CACNA1I: variants seen among roughly 807,000 people sequenced by gnomAD.
The protein encoded by CACNA1I is calcium voltage-gated channel subunit alpha1 I.
Under a neutral mutation model 201.6 loss-of-function variants are expected in CACNA1I, and 74 were observed. The ratio of observed to expected loss-of-function variants is 0.37; its 90% CI spans 0.30 to 0.45. CACNA1I has a LOEUF of 0.45. Among genes scored for constraint, CACNA1I ranks in the 20% least tolerant of loss-of-function variants. The pLI, the probability that CACNA1I is intolerant of heterozygous loss-of-function variation, is 1.00. For synonymous variants in CACNA1I, 1,431 were observed against 1,345.2 expected, an observed-to-expected ratio of 1.06 and a Z score of -1.40; for missense variants, 2,346 against 3,138.1, an observed-to-expected ratio of 0.75 and a Z score of 6.03.
intron 17 of CACNA1I, 96 bp from the exon 18 acceptor site, chr22:39,662,680 T>A (rs1251890460): frequency 2.2e-6 from 2 of 893,416 alleles, no homozygotes; most frequent in Non-Finnish European, 3.5e-6. Flanking sequence ...AGTTCGGAGG[T>A]GACCCTGCGA....
chr22:39,656,989 G>A (rs538028130), intron 10 of CACNA1I, among the ~76,000 whole-genome samples: 3 of 152,286 alleles, frequency 2.0e-5, no homozygotes, highest in African/African-American at 4.8e-5. Context: ...GCTGGGCCTC[G>A]TAGGAGCCTT....
chr22:39,678,512 C>T (rs1935585046), intron 31 of CACNA1I, among the ~76,000 whole-genome samples: 1 of 152,202 alleles, frequency 6.6e-6, no homozygotes, highest in Non-Finnish European at 1.5e-5. Flanking sequence ...CAGGGAGGGG[C>T]TCCCAGAGGA....
At position 39,686,027 on chromosome 22, in the gene CACNA1I, C is replaced by G; in HGVS notation, c.6294C>G (p.Thr2098=). 8.1e-7 allele frequency: 1 copy of G among 1,239,352 alleles called. No individual in the cohort carries two copies. Among genetic ancestry groups the G allele is most frequent in the Non-Finnish European group, 1.0e-6 (1 of 995,652 alleles). The allele number at this position is 1,239,352 out of a possible 1,614,324, so 76.8% of individuals were successfully genotyped here. The part of the protein sequence containing the change: ...SSGGSTSPGC[T]HHDSMDPSDE... Reference sequence around the variant, plus strand: ...GGGGCTCCACCAGCCCGGGCTGCACCCACCACGACTCCATGGACCCCTCGG... The same window carrying G: ...GGGGCTCCACCAGCCCGGGCTGCACGCACCACGACTCCATGGACCCCTCGG... The change falls in exon 37 of 37, where the codon ACC becomes ACG. Residue 2098 remains threonine (T), a synonymous_variant. Transcript: ENST00000402142.
intron 29 of CACNA1I, among the ~76,000 whole-genome samples, chr22:39,675,995 G>A (rs549934307): frequency 2.0e-5 from 3 of 152,330 alleles, no homozygotes; most frequent in Admixed American, 6.5e-5. Context: ...AGACAAGGAA[G>A]GCTGCAGCCG....
At chr22:39,663,883 A>G (rs989467205) in intron 19 of CACNA1I, 42 bp downstream of exon 19, 1 of 1,610,866 alleles carries the variant, frequency 6.2e-7, no homozygotes, top group African/African-American at 1.3e-5. Context: ...CGCCAGGCCA[A>G]GGGACAGCTC....
Position 39,570,798 on chromosome 22 carries a change from G to A in CACNA1I, c.46G>A (p.Ala16Thr), listed in dbSNP as rs758158318. The A allele has an allele frequency of 4.3e-6, 7 of 1,613,054 alleles. No homozygotes were observed. The highest frequency in any genetic ancestry group is 5.9e-6 in the Non-Finnish European group (7 of 1,179,722). ...SPPSSSAAAP[A>T]AEPGVTTEQP... ...GCCCTCCTCATCTGCAGCAGCCCCA[G>A]CCGCTGAGCCAGGAGTCACCACGGA... The change falls in exon 1 of 37, where the codon GCC becomes ACC. Residue 16 changes from alanine to threonine, a missense_variant. By Grantham distance (58) the Ala-to-Thr change is moderately conservative. Coordinates refer to ENST00000402142, the MANE Select transcript of CACNA1I (RefSeq NM_021096.4).
rs140225757 is a variant in CACNA1I, at chr22:39,575,449, C to T, written c.236+4461C>T. 5.6e-3 allele frequency among the ~76,000 whole-genome samples: 856 copies of T among 152,262 alleles called. 5 individuals carry two copies. Among genetic ancestry groups the T allele is most frequent in the Non-Finnish European group, 6.7e-3 (456 of 68,028 alleles). ...ATCACTCTGATTACCTGTGCCTGAA[C>T]CCTGAACAGGGCCCTCACGTACTGC... is the stretch of plus-strand genomic sequence containing the variant. On this transcript the variant is annotated intron_variant, in intron 1 of 36. Transcript: ENST00000402142.
Position 39,598,181 on chromosome 22 carries a change from C to T in CACNA1I, c.267C>T (p.Ile89=). Reference sequence around the variant, plus strand: ...TTGAATGTGTCAGCATGCTGGTGATCCTGCTGAACTGCGTGACACTTGGCA... The same window carrying T: ...TTGAATGTGTCAGCATGCTGGTGATTCTGCTGAACTGCGTGACACTTGGCA... ...PWFECVSMLV[I]LLNCVTLGMY... Residue 89 remains isoleucine (I), a synonymous_variant, in exon 2 of 37, where the codon ATC becomes ATT. Transcript: ENST00000402142. The T allele has an allele frequency of 6.2e-7, 1 of 1,606,564 alleles. No homozygotes were observed. Among genetic ancestry groups the T allele is most frequent in the Non-Finnish European group, 8.5e-7 (1 of 1,176,634 alleles).
intron 20 of CACNA1I, 22 bp downstream of exon 20, chr22:39,664,181 G>A (rs1286678043): frequency 1.6e-5 from 25 of 1,604,536 alleles, no homozygotes; most frequent in South Asian, 2.2e-5. Context: ...TTTCACCCGG[G>A]ACCCCTGCTA....
chr22:39,619,956 C>T (rs1569065318), intron 4 of CACNA1I, among the ~76,000 whole-genome samples: 1 of 150,788 alleles, frequency 6.6e-6, no homozygotes, highest in Non-Finnish European at 1.5e-5. Flanking sequence ...TCCATCCGTC[C>T]GTCCGTCCAT....
chr22:39,671,425 G>A (rs1213510300), intron 26 of CACNA1I, among the ~76,000 whole-genome samples: 1 of 152,166 alleles, frequency 6.6e-6, no homozygotes, highest in African/African-American at 2.4e-5. Flanking sequence ...ACTTAGATTT[G>A]CATTCAAAGC....
At chr22:39,647,798 A>G in intron 8 of CACNA1I, 24 bp from the exon 9 acceptor site, 1 of 1,448,412 alleles carries the variant, frequency 6.9e-7, no homozygotes, top group South Asian at 1.1e-5. Context: ...GGGAGAAGAT[A>G]GTAATATTAT....
At chr22:39,637,087 G>T (rs147689216) in intron 5 of CACNA1I, among the ~76,000 whole-genome samples, 24 of 152,292 alleles carry the variant, frequency 1.6e-4, no homozygotes, top group African/African-American at 4.6e-4. Flanking sequence ...AACACTCACC[G>T]ACCCCTTCCA....
In CACNA1I at chr22:39,646,872, C is replaced by T. The variant is rs913392305; in HGVS notation, c.1453C>T (p.Arg485Trp). 92 of 1,501,728 alleles carry T rather than the reference C, an allele frequency of 6.1e-5. No homozygotes were observed. The highest frequency in any genetic ancestry group is 2.0e-4 in the African/African-American group (14 of 70,922). 93.0% of individuals were successfully genotyped at this position (1,501,728 alleles called of 1,614,324 possible). A position where few individuals can be genotyped will look rare whatever the true frequency, so the allele number is the denominator to read the frequency against. ...AKPGPHAKEP[R>W]HYHGKTKGQG... ...ACCTGGGCCCCACGCCAAGGAGCCC[C>T]GGCACTACCGTAAGTGGCCCTGCAT... The change falls in exon 8 of 37, where the codon CGG (arginine) becomes TGG (tryptophan). Residue 485 changes from arginine (R) to tryptophan (W), a missense_variant. By Grantham distance (101) the Arg-to-Trp change is moderately radical (BLOSUM62 -3). Coordinates refer to ENST00000402142, the MANE Select transcript of CACNA1I (RefSeq NM_021096.4).
chr22:39,593,703 C>T (rs530560335), intron 1 of CACNA1I, among the ~76,000 whole-genome samples: 4 of 152,156 alleles, frequency 2.6e-5, no homozygotes, highest in Non-Finnish European at 5.9e-5. Flanking sequence ...GTGTTTCAGG[C>T]AGATTAGCCT....
rs575558229 is a variant in CACNA1I at position 39,677,912 on chromosome 22, C to T, written c.4934-75C>T. ...GTGTGATGAGGGTTCTGAGGCGAGGCGGGAGGCACCAGGTCAGGGTGAGCC... is the reference window on the plus strand; with the variant it reads ...GTGTGATGAGGGTTCTGAGGCGAGGTGGGAGGCACCAGGTCAGGGTGAGCC... On this transcript the variant is annotated intron_variant, in intron 30 of 36. Coordinates refer to ENST00000402142, the MANE Select transcript of CACNA1I (RefSeq NM_021096.4). The surrounding 1 kb of genome is among the most constrained non-coding windows in gnomAD (Gnocchi z 4.8). 686 of 1,482,788 alleles carry T rather than the reference C, an allele frequency of 4.6e-4. 5 individuals carry two copies. The highest frequency in any genetic ancestry group is 3.7e-3 in the Middle Eastern group (16 of 4,356). The allele number at this position is 1,482,788 out of a possible 1,614,324, so 91.9% of individuals were successfully genotyped here. A position where few individuals can be genotyped will look rare whatever the true frequency, so the allele number is the denominator to read the frequency against.
intron 3 of CACNA1I, among the ~76,000 whole-genome samples, chr22:39,606,729 A>G (rs1402156668): frequency 2.0e-5 from 3 of 152,114 alleles, no homozygotes; most frequent in Non-Finnish European, 4.4e-5. Flanking sequence ...ACGGGGTTTC[A>G]CCATGTTGGC....
At chr22:39,641,237 G>C (rs1426730804) in intron 6 of CACNA1I, 55 bp downstream of exon 6, 1 of 1,455,534 alleles carries the variant, frequency 6.9e-7, no homozygotes, top group African/African-American at 1.4e-5. Flanking sequence ...AGCTCTGCCT[G>C]GTGGGCAGGG....
chr22:39,684,345 G>A lies in CACNA1I; in HGVS notation c.5874G>A (p.Leu1958=). 1 of 1,613,410 alleles carries A rather than the reference G, an allele frequency of 6.2e-7. No individual in the cohort carries two copies. The highest frequency in any genetic ancestry group is 8.5e-7 in the Non-Finnish European group (1 of 1,179,790). ...CCCCGGATGCCTCCAGCCCTCTCCT[G>A]CCCATGCCAGCCGAGTTCTTCCACC... ...PFSPDASSPL[L]PMPAEFFHPA... Residue 1958 remains leucine (L), a synonymous_variant, in exon 36 of 37, where the codon CTG becomes CTA. Transcript: ENST00000402142. The surrounding 1 kb of genome is among the most constrained non-coding windows in gnomAD (Gnocchi z 4.6).
Sources: allele counts gnomAD v4.1 joint callset (sites outside exome capture counted in the v4.1 genomes callset), GRCh38; gene constraint gnomAD v4.1.1; non-coding constraint Gnocchi (gnomAD v3.1); transcripts MANE v1.5; gene names NCBI Gene and HGNC (gene_info 2026-07-23, HGNC 2026-07-21).